PLCH1: variants seen among roughly 807,000 people sequenced by gnomAD.
PLCH1 encodes phospholipase C eta 1.
Under a neutral mutation model 126.7 loss-of-function variants are expected in PLCH1, and 60 were observed. That is an observed-to-expected ratio of 0.47 (90% CI 0.38 to 0.59). The LOEUF is 0.59. Among genes scored for constraint, PLCH1 ranks in the 20% least tolerant of loss-of-function variants. The pLI is 0.00. For synonymous variants in PLCH1, 719 were observed against 734.9 expected, an observed-to-expected ratio of 0.98 and a Z score of 0.35; for missense variants, 1,723 against 2,040.0, an observed-to-expected ratio of 0.84 and a Z score of 2.99.
At chr3:155,646,639 C>T (rs1050020523) in intron 2 of PLCH1, among the ~76,000 whole-genome samples, 12 of 152,186 alleles carry the variant, frequency 7.9e-5, no homozygotes, top group African/African-American at 2.9e-4. Flanking sequence ...TGATACTTCT[C>T]TAAATGACTT....
At chr3:155,685,967 G>A (rs1744905741) in intron 2 of PLCH1, among the ~76,000 whole-genome samples, 1 of 152,090 alleles carries the variant, frequency 6.6e-6, no homozygotes, top group Non-Finnish European at 1.5e-5. Flanking sequence ...TCATTTCCCT[G>A]TAGAGACCAG....
chr3:155,554,489 C>T (rs1726548449), intron 8 of PLCH1, among the ~76,000 whole-genome samples: 1 of 152,140 alleles, frequency 6.6e-6, no homozygotes, highest in Admixed American at 6.5e-5. Flanking sequence ...TATCTAAATC[C>T]AGTCAAGTGT....
intron 12 of PLCH1, among the ~76,000 whole-genome samples, chr3:155,511,398 G>A (rs1349575041): frequency 8.9e-6 from 1 of 112,474 alleles, no homozygotes; most frequent in Non-Finnish European, 1.6e-5. Flanking sequence ...TTGCTGGTGA[G>A]GAACTGTGTT....
Position 155,668,664 on chromosome 3 carries a change from G to A in PLCH1, c.79+35482C>T, listed in dbSNP as rs143024438. ...TCCCAGCACTTTGGGAGGCCAAGGCGGACAGATCACCTGAGGTCGGGAGTT... is the reference window on the plus strand; with the variant it reads ...TCCCAGCACTTTGGGAGGCCAAGGCAGACAGATCACCTGAGGTCGGGAGTT... On this transcript the variant is annotated intron_variant, in intron 2 of 22. Transcript: ENST00000460012. 3.1e-3 allele frequency among the ~76,000 whole-genome samples: 475 copies of A among 152,180 alleles called. 2 individuals carry two copies. The highest frequency in any genetic ancestry group is 0.011 in the African/African-American group (440 of 41,524).
chr3:155,499,100 A>C (rs1022331681), intron 14 of PLCH1, among the ~76,000 whole-genome samples: 4 of 152,220 alleles, frequency 2.6e-5, no homozygotes, highest in African/African-American at 9.7e-5. Flanking sequence ...TTCGGTTATA[A>C]GTATCATAGT....
At chr3:155,702,950 G>C (rs1746381786) in intron 2 of PLCH1, among the ~76,000 whole-genome samples, 1 of 152,156 alleles carries the variant, frequency 6.6e-6, no homozygotes, top group Non-Finnish European at 1.5e-5. Context: ...CCTCTGCTAA[G>C]GGCACTTCAC....
At chr3:155,535,956 G>A (rs1723297340) in intron 10 of PLCH1, among the ~76,000 whole-genome samples, 1 of 152,168 alleles carries the variant, frequency 6.6e-6, no homozygotes, top group East Asian at 1.9e-4. Context: ...ACCAGAACAG[G>A]TCTCCATGGC....
chr3:155,732,519 GAA>G (rs765151340), intron 1 of PLCH1, among the ~76,000 whole-genome samples: 1 of 132,034 alleles, frequency 7.6e-6, no homozygotes. Context: ...ACCCAGTCTG[GAA>G]AAAAAAAAAA....
Position 155,494,492 on chromosome 3 carries a change from G to A in PLCH1, c.1920C>T (p.Phe640=). 1.7e-5 allele frequency: 27 copies of A among 1,613,334 alleles called. No homozygotes were observed. The highest frequency in any genetic ancestry group is 2.3e-5 in the Non-Finnish European group (27 of 1,179,750). ...CAACCTGATGTGCTCTTGTTTCACT[G>A]AATGATAACACATTTCCTGTGGTTC... ...DDGTTGNVLS[F]SETRAHQVVQ... is the part of the protein sequence containing the mutation. The change falls in exon 16 of 23, where the codon TTC becomes TTT. Residue 640 remains phenylalanine, a synonymous_variant. Coordinates refer to ENST00000460012, the MANE Select transcript of PLCH1 (RefSeq NM_014996.4).
At chr3:155,714,165 C>G (rs1747346004) in intron 1 of PLCH1, among the ~76,000 whole-genome samples, 1 of 152,138 alleles carries the variant, frequency 6.6e-6, no homozygotes, top group African/African-American at 2.4e-5. Flanking sequence ...ACCCAGGTAT[C>G]CCTAAAACTT....
chr3:155,532,542 G>T (rs1389534379), intron 10 of PLCH1, among the ~76,000 whole-genome samples: 1 of 152,058 alleles, frequency 6.6e-6, no homozygotes, highest in East Asian at 1.9e-4. Context: ...TGGACTATGG[G>T]GGCAGATACC....
At chr3:155,653,496 C>T (rs941098722) in intron 2 of PLCH1, among the ~76,000 whole-genome samples, 3 of 152,180 alleles carry the variant, frequency 2.0e-5, no homozygotes, top group Non-Finnish European at 4.4e-5. Context: ...TTCCTTCACC[C>T]CGCATTCCCT....
intron 12 of PLCH1, among the ~76,000 whole-genome samples, chr3:155,505,562 C>A (rs1424183133): frequency 6.6e-6 from 1 of 151,992 alleles, no homozygotes; most frequent in East Asian, 1.9e-4. Context: ...TCTGTATATG[C>A]CCATAGATGC....
At chr3:155,458,219 G>T (rs887967016) in intron 21 of PLCH1, among the ~76,000 whole-genome samples, 1 of 151,424 alleles carries the variant, frequency 6.6e-6, no homozygotes, top group Non-Finnish European at 1.5e-5. Context: ...GTGCATGCCT[G>T]TAATTCCAGC....
intron 1 of PLCH1, among the ~76,000 whole-genome samples, chr3:155,721,487 G>A (rs1747940962): frequency 6.6e-6 from 1 of 152,134 alleles, no homozygotes; most frequent in Non-Finnish European, 1.5e-5. Flanking sequence ...AACAGGGGTT[G>A]AGTTCTTGAT....
intron 2 of PLCH1, among the ~76,000 whole-genome samples, chr3:155,664,276 C>T (rs184136681): frequency 6.6e-6 from 1 of 152,206 alleles, no homozygotes; most frequent in Admixed American, 6.5e-5. Context: ...ATCTTTCCTA[C>T]TGAAATTACC....
intron 6 of PLCH1, among the ~76,000 whole-genome samples, chr3:155,574,001 C>G (rs927212948): frequency 2.6e-5 from 4 of 152,110 alleles, no homozygotes; most frequent in African/African-American, 4.8e-5. Context: ...GCAACCTCCA[C>G]CTCCAGGGTT....
intron 2 of PLCH1, among the ~76,000 whole-genome samples, chr3:155,650,632 G>A (rs115715824): frequency 0.02 from 2,987 of 152,124 alleles, 106 homozygotes; most frequent in African/African-American, 0.069. Flanking sequence ...CATATGTGAC[G>A]CACATTATAC....
At chr3:155,467,020 TC>T (rs1160163698) in intron 21 of PLCH1, among the ~76,000 whole-genome samples, 4 of 152,110 alleles carry the variant, frequency 2.6e-5, no homozygotes, top group African/African-American at 9.7e-5. Flanking sequence ...AAAGGGCTAA[TC>T]TAACAGTTAT....
Sources: gnomAD v4.1 joint callset for allele counts (sites outside exome capture counted in the v4.1 genomes callset) on GRCh38, gnomAD v4.1.1 for gene constraint, MANE v1.5 for transcripts, NCBI Gene and HGNC (gene_info 2026-07-23, HGNC 2026-07-21) for gene names.